Variants in KAZN observed in about 807,000 individuals in gnomAD.
KAZN encodes the protein kazrin.
In KAZN, 40 loss-of-function variants were observed where a neutral mutation model predicts 87.4. The ratio of observed to expected loss-of-function variants is 0.46; its 90% CI spans 0.36 to 0.60. The LOEUF (loss-of-function observed/expected upper bound fraction) is 0.60, where lower values mean the gene tolerates loss of function less well. KAZN is among the 20% of genes least tolerant of loss of function. KAZN has a pLI of 0.00. For synonymous variants in KAZN, 466 were observed against 458.3 expected (o/e 1.02, Z -0.22); for missense variants, 898 against 1,073.9 (o/e 0.84, Z 2.29).
At chr1:14,572,786 G>A (rs918974564) in intron 2 of KAZN, among the ~76,000 whole-genome samples, 9 of 152,138 alleles carry the variant, frequency 5.9e-5, no homozygotes, top group Non-Finnish European at 1.0e-4. Context: ...TCAGAAATGT[G>A]GAGGATGTCT....
intron 2 of KAZN, among the ~76,000 whole-genome samples, chr1:14,546,688 C>T (rs1411359356): frequency 6.6e-6 from 1 of 152,102 alleles, no homozygotes; most frequent in Non-Finnish European, 1.5e-5. Context: ...ACTCTTGTTG[C>T]TTTAAAAAGA....
chr1:14,141,755 T>C (rs543231387), intron 1 of KAZN, among the ~76,000 whole-genome samples: 2 of 152,330 alleles, frequency 1.3e-5, no homozygotes, highest in South Asian at 4.2e-4. Context: ...CAGCATGTGC[T>C]ACTGAATGCA....
At chr1:14,632,550 G>A (rs565466602) in intron 1 of KAZN, among the ~76,000 whole-genome samples, 2 of 150,238 alleles carry the variant, frequency 1.3e-5, no homozygotes, top group Non-Finnish European at 2.9e-5. Context: ...TGCCCAGCAG[G>A]AGAATCCTTT....
At chr1:15,072,688 C>A (rs1467332369) in intron 8 of KAZN, among the ~76,000 whole-genome samples, 1 of 152,162 alleles carries the variant, frequency 6.6e-6, no homozygotes, top group Non-Finnish European at 1.5e-5. Flanking sequence ...GATGAACAAA[C>A]CAAGGCGCAG....
intron 2 of KAZN, among the ~76,000 whole-genome samples, chr1:14,201,501 C>G (rs979632820): frequency 3.9e-5 from 6 of 152,194 alleles, no homozygotes; most frequent in Non-Finnish European, 5.9e-5. Flanking sequence ...AACCACCTAC[C>G]CCCACTTTCA....
chr1:13,972,761 T>A (rs376027728), intron 1 of KAZN, among the ~76,000 whole-genome samples: 27 of 152,338 alleles, frequency 1.8e-4, no homozygotes, highest in Middle Eastern at 6.8e-3. Context: ...ATCTGGATCT[T>A]GCTGTCAGCT....
At chr1:14,543,868 TGAAAG>T (rs1194695550) in intron 2 of KAZN, among the ~76,000 whole-genome samples, 1 of 152,200 alleles carries the variant, frequency 6.6e-6, no homozygotes, top group Admixed American at 6.5e-5. Flanking sequence ...ACCAATTAAA[TGAAAG>T]GACTACCCAG....
chr1:14,971,438 T>C (rs1205152206), intron 2 of KAZN, among the ~76,000 whole-genome samples: 1 of 152,138 alleles, frequency 6.6e-6, no homozygotes, highest in Non-Finnish European at 1.5e-5. Flanking sequence ...TACGGCCTTC[T>C]AGCTAGTAGG....
At chr1:14,477,814 A>C (rs1668836588) in intron 2 of KAZN, among the ~76,000 whole-genome samples, 1 of 152,192 alleles carries the variant, frequency 6.6e-6, no homozygotes. Flanking sequence ...GACTCTCCCC[A>C]GGGCCAACGC....
At chr1:14,520,183 T>C (rs908728028) in intron 2 of KAZN, among the ~76,000 whole-genome samples, 1 of 152,124 alleles carries the variant, frequency 6.6e-6, no homozygotes, top group Admixed American at 6.5e-5. Context: ...CTGGCACTTG[T>C]TCATAATCAC....
intron 1 of KAZN, among the ~76,000 whole-genome samples, chr1:14,119,197 G>A (rs188715877): frequency 2.6e-5 from 4 of 152,228 alleles, no homozygotes; most frequent in Admixed American, 6.5e-5. Flanking sequence ...GGGTTTTCAC[G>A]ATGAGAAGAC....
chr1:14,402,990 CT>C (rs1663540931), intron 2 of KAZN, among the ~76,000 whole-genome samples: 1 of 152,098 alleles, frequency 6.6e-6, no homozygotes, highest in Admixed American at 6.5e-5. Context: ...CCACATCTGG[CT>C]AATTTTTGTA....
At chr1:14,918,955 T>C (rs1658201235) in intron 1 of KAZN, among the ~76,000 whole-genome samples, 1 of 151,878 alleles carries the variant, frequency 6.6e-6, no homozygotes, top group Non-Finnish European at 1.5e-5. Flanking sequence ...CCCTATTGTT[T>C]TAAACCACTG....
At chr1:14,832,273 A>C (rs1218045008) in intron 1 of KAZN, among the ~76,000 whole-genome samples, 1 of 151,322 alleles carries the variant, frequency 6.6e-6, no homozygotes, top group African/African-American at 2.4e-5. Flanking sequence ...GCCACACCCC[A>C]CACCCCCCAC....
chr1:15,092,074 T>TTTA (rs1640569567), intron 8 of KAZN, among the ~76,000 whole-genome samples: 1 of 97,650 alleles, frequency 1.0e-5, no homozygotes, highest in Non-Finnish European at 2.0e-5. Flanking sequence ...TTTTTTTTGA[T>TTTA]TTTTTTTTTT....
At chr1:14,752,553 AG>A (rs1644442083) in intron 1 of KAZN, among the ~76,000 whole-genome samples, 1 of 152,182 alleles carries the variant, frequency 6.6e-6, no homozygotes, top group Admixed American at 6.5e-5. Flanking sequence ...TCTACTTCCA[AG>A]ATAGCGCCTT....
At chr1:14,040,118 GT>G (rs563167475) in intron 1 of KAZN, among the ~76,000 whole-genome samples, 5 of 150,550 alleles carry the variant, frequency 3.3e-5, no homozygotes, top group African/African-American at 7.3e-5. Context: ...AGAGAGAGAG[GT>G]TTTTTTTCTG....
chr1:15,032,121 G>A (rs1671774962), intron 2 of KAZN, among the ~76,000 whole-genome samples: 1 of 148,318 alleles, frequency 6.7e-6, no homozygotes, highest in Admixed American at 6.7e-5. Context: ...CCCACACCCA[G>A]CCCGAGGCAG....
chr1:14,248,310 C>T (rs923193514), intron 2 of KAZN, among the ~76,000 whole-genome samples: 1 of 152,200 alleles, frequency 6.6e-6, no homozygotes, highest in Non-Finnish European at 1.5e-5. Context: ...CATTTTCTCA[C>T]TTGCAGAGTG....
Sources: allele counts gnomAD v4.1 joint callset (sites outside exome capture counted in the v4.1 genomes callset), GRCh38; gene constraint gnomAD v4.1.1; transcripts MANE v1.5; gene names NCBI Gene and HGNC (gene_info 2026-07-23, HGNC 2026-07-21).